The following MLLT11 variants were observed in gnomAD, a reference collection of about 807,000 sequenced individuals.
MLLT11 encodes MLLT11 transcription factor 7 cofactor, also known as protein AF1q.
MLLT11 carries 1 observed loss-of-function variant against 5.3 expected under a neutral mutation model. The observed-to-expected ratio is 0.19, with a 90% CI of 0.07 to 0.89. The LOEUF is 0.89. Among genes scored for constraint, MLLT11 ranks in the 40% least tolerant of loss-of-function variants. The pLI is 0.67. For synonymous variants in MLLT11, 38 were observed against 41.7 expected, an observed-to-expected ratio of 0.91 and a Z score of 0.34; for missense variants, 87 against 107.3, an observed-to-expected ratio of 0.81 and a Z score of 0.83.
chr1:151,064,176 C>G lies in MLLT11; in HGVS notation c.-6-3043C>G, dbSNP rs904813352. On this transcript the variant is annotated intron_variant, in intron 1 of 1. Transcript: ENST00000368921. ...AACTGGGATTACAGGCATGCGCCAC[C>G]TCGCCTGGCTAATTTTGTATTTTTA... Among the ~76,000 whole-genome samples the G allele has an allele frequency of 2.0e-5, 3 of 152,134 alleles. 1 individual carries two copies. Among genetic ancestry groups the G allele is most frequent in the Admixed American group, 2.0e-4 (3 of 15,266 alleles).
intron 1 of MLLT11, among the ~76,000 whole-genome samples, chr1:151,066,932 G>GA (rs34007069): frequency 1.5e-4 from 22 of 142,528 alleles, no homozygotes; most frequent in South Asian, 2.2e-4. Context: ...CTCATTGAGA[G>GA]AAAAAAAAAA....
intron 1 of MLLT11, among the ~76,000 whole-genome samples, chr1:151,061,794 T>G (rs1676411345): frequency 6.6e-6 from 1 of 152,248 alleles, no homozygotes; most frequent in African/African-American, 2.4e-5. Context: ...CTGTGTAGTA[T>G]TACTTTATGT....
At chr1:151,066,968 G>A (rs1011241901) in intron 1 of MLLT11, among the ~76,000 whole-genome samples, 3 of 151,770 alleles carry the variant, frequency 2.0e-5, no homozygotes. Context: ...ATAATAAAGG[G>A]TTTCTGAAGC....
intron 1 of MLLT11, among the ~76,000 whole-genome samples, chr1:151,062,010 C>G (rs1225756585): frequency 3.3e-5 from 5 of 151,176 alleles, no homozygotes; most frequent in Admixed American, 3.3e-4. Flanking sequence ...TTTATACATA[C>G]TCTGGTTGTA....
intron 1 of MLLT11, among the ~76,000 whole-genome samples, chr1:151,065,217 C>T (rs1256545374): frequency 6.6e-6 from 1 of 152,130 alleles, no homozygotes; most frequent in Non-Finnish European, 1.5e-5. Flanking sequence ...GCCACATATG[C>T]TTGCATGCAT....
chr1:151,062,750 A>G (rs1676424045), intron 1 of MLLT11, among the ~76,000 whole-genome samples: 1 of 152,190 alleles, frequency 6.6e-6, no homozygotes, highest in Non-Finnish European at 1.5e-5. Context: ...GATAGAGAAA[A>G]GAACCCAGCT....
At chr1:151,062,614 G>T (rs1030959590) in intron 1 of MLLT11, among the ~76,000 whole-genome samples, 1 of 151,934 alleles carries the variant, frequency 6.6e-6, no homozygotes, top group African/African-American at 2.4e-5. Context: ...ACCTGCCTCG[G>T]CCTCCCAAAG....
Position 151,067,525 on chromosome 1 carries a change from T to G in MLLT11, c.*28T>G. On this transcript the variant is annotated 3_prime_UTR_variant, in exon 2 of 2. Transcript: ENST00000368921. Reference sequence around the variant, plus strand: ...CCAAGACTTCTCTCTCCCATCACCTTGCCCTCATTGTCTTCCCTCTCAAGC... The same window carrying G: ...CCAAGACTTCTCTCTCCCATCACCTGGCCCTCATTGTCTTCCCTCTCAAGC... 2 of 1,601,486 alleles carry G rather than the reference T, an allele frequency of 1.2e-6. No individual in the cohort carries two copies. The highest frequency in any genetic ancestry group is 2.2e-5 in the East Asian group (1 of 44,748).
chr1:151,061,836 G>C (rs1006915742), intron 1 of MLLT11, among the ~76,000 whole-genome samples: 1 of 152,038 alleles, frequency 6.6e-6, no homozygotes, highest in Admixed American at 6.6e-5. Flanking sequence ...ACGTATGTTT[G>C]CATGCATGTC....
intron 1 of MLLT11, among the ~76,000 whole-genome samples, chr1:151,066,029 G>A (rs1002925465): frequency 3.3e-5 from 5 of 151,924 alleles, no homozygotes; most frequent in African/African-American, 9.7e-5. Flanking sequence ...TTTTGTAGAC[G>A]GAGTTTTGCC....
At chr1:151,065,389 T>A (rs1676461824) in intron 1 of MLLT11, among the ~76,000 whole-genome samples, 1 of 152,222 alleles carries the variant, frequency 6.6e-6, no homozygotes, top group African/African-American at 2.4e-5. Context: ...AGTTTTTTAT[T>A]CATACTCTGG....
chr1:151,066,835 G>GA (rs1324329489), intron 1 of MLLT11, among the ~76,000 whole-genome samples: 2 of 151,880 alleles, frequency 1.3e-5, no homozygotes, highest in Non-Finnish European at 2.9e-5. Flanking sequence ...TGAGGCAGGA[G>GA]AATGGTGTGA....
chr1:151,061,110 C>T (rs1676400178), intron 1 of MLLT11, among the ~76,000 whole-genome samples: 1 of 152,166 alleles, frequency 6.6e-6, no homozygotes, highest in South Asian at 2.1e-4. Context: ...TGTTGGAGAA[C>T]TGCCTGATTC....
intron 1 of MLLT11, among the ~76,000 whole-genome samples, chr1:151,063,510 C>G (rs1467818634): frequency 6.6e-6 from 1 of 152,170 alleles, no homozygotes; most frequent in Non-Finnish European, 1.5e-5. Context: ...ACCGCAAGCT[C>G]CGCCTCCCAG....
rs1290372939 is a variant in MLLT11 at position 151,067,921 on chromosome 1, G to C, written c.*424G>C. 4.0e-6 allele frequency: 1 copy of C among 252,586 alleles called. No homozygotes were observed. 15.6% of individuals were successfully genotyped at this position (252,586 alleles called of 1,614,324 possible). On this transcript the variant is annotated 3_prime_UTR_variant, in exon 2 of 2. Transcript: ENST00000368921. ...CACAAATATTTCTTCAAGGGGTGAT[G>C]AAAACCTCGGAAGTTTTAATTTGAG...
intron 1 of MLLT11, among the ~76,000 whole-genome samples, chr1:151,062,650 C>G (rs1244727186): frequency 6.6e-6 from 1 of 151,952 alleles, no homozygotes; most frequent in Non-Finnish European, 1.5e-5. Context: ...CGTGTGCCAC[C>G]GCGCCTGGCC....
chr1:151,067,122 T>A, intron 1 of MLLT11, 97 bp from the exon 2 acceptor site: 1 of 965,662 alleles, frequency 1.0e-6, no homozygotes, highest in Non-Finnish European at 1.5e-6. Flanking sequence ...AAAAAGAAAT[T>A]CCTTTTTACC....
In MLLT11 at chr1:151,067,219, G is replaced by T; in HGVS notation, c.-6G>T. 6.2e-7 allele frequency: 1 copy of T among 1,610,044 alleles called. No individual in the cohort carries two copies. The highest frequency in any genetic ancestry group is 8.5e-7 in the Non-Finnish European group (1 of 1,177,534). On this transcript the variant is annotated splice_region_variant and 5_prime_UTR_variant, in exon 2 of 2. Transcript: ENST00000368921. ...AGACTGACAAGTGGTTTCTTTCTAG[G>T]AAGCTATGAGGGACCCTGTGAGTAG...
chr1:151,064,608 A>G (rs587603485), intron 1 of MLLT11, among the ~76,000 whole-genome samples: 1 of 152,336 alleles, frequency 6.6e-6, no homozygotes, highest in Admixed American at 6.5e-5. Flanking sequence ...GAATGCTAAT[A>G]GGAAAATCCA....
Sources: gnomAD v4.1 joint callset for allele counts (sites outside exome capture counted in the v4.1 genomes callset) on GRCh38, gnomAD v4.1.1 for gene constraint, MANE v1.5 for transcripts, NCBI Gene and HGNC (gene_info 2026-07-23, HGNC 2026-07-21) for gene names.